Variants in B3GALT1 observed in about 807,000 individuals in gnomAD.
B3GALT1 encodes beta-1,3-galactosyltransferase 1.
B3GALT1 carries 10 observed loss-of-function variants against 23.2 expected under a neutral mutation model. The observed-to-expected ratio is 0.43, with a 90% CI of 0.27 to 0.73. The LOEUF (loss-of-function observed/expected upper bound fraction) is 0.73, where lower values mean the gene tolerates loss of function less well. Among genes scored for constraint, B3GALT1 ranks in the 30% least tolerant of loss-of-function variants. B3GALT1 has a pLI of 0.21. For missense variants in B3GALT1, 299 were observed against 405.4 expected (o/e 0.74, Z 2.25); for synonymous variants, 156 against 141.5 (o/e 1.10, Z -0.73).
At chr2:167,500,635 GA>G (rs11421714) in intron 2 of B3GALT1, among the ~76,000 whole-genome samples, 41 of 149,768 alleles carry the variant, frequency 2.7e-4, no homozygotes, top group Admixed American at 8.7e-4. Flanking sequence ...GACTTATAAG[GA>G]AAAAAAAAAT....
intron 3 of B3GALT1, among the ~76,000 whole-genome samples, chr2:167,696,296 C>CAAAAA (rs35575073): frequency 1.2e-4 from 11 of 91,818 alleles, no homozygotes; most frequent in African/African-American, 2.7e-4. Context: ...TGGTAAGAGG[C>CAAAAA]AAAAAAAAAA....
At chr2:167,772,181 A>C (rs1045224638) in intron 3 of B3GALT1, among the ~76,000 whole-genome samples, 1 of 152,218 alleles carries the variant, frequency 6.6e-6, no homozygotes, top group Admixed American at 6.5e-5. Context: ...CACCAAAATT[A>C]GTTAGCACAG....
chr2:167,616,694 C>CAATA (rs547824482), intron 2 of B3GALT1, among the ~76,000 whole-genome samples: 2,037 of 151,570 alleles, frequency 0.013, 25 homozygotes, highest in East Asian at 0.051. Flanking sequence ...GACCCTGTCT[C>CAATA]AATAAATAAA....
chr2:167,713,972 A>C, intron 3 of B3GALT1: 1 of 1,557,584 alleles, frequency 6.4e-7, no homozygotes, highest in East Asian at 2.2e-5. Context: ...TGGACCACTG[A>C]TTGCAGCAAG....
At chr2:167,501,226 A>G (rs903653089) in intron 2 of B3GALT1, among the ~76,000 whole-genome samples, 7 of 152,078 alleles carry the variant, frequency 4.6e-5, no homozygotes, top group African/African-American at 1.4e-4. Flanking sequence ...TTGAACTCCT[A>G]ATTGATTTTT....
intron 3 of B3GALT1, among the ~76,000 whole-genome samples, chr2:167,684,130 T>C (rs969433722): frequency 6.6e-5 from 10 of 152,210 alleles, no homozygotes; most frequent in Non-Finnish European, 1.5e-5. Flanking sequence ...AACTGGTTAG[T>C]CTCTCCATTT....
intron 3 of B3GALT1, among the ~76,000 whole-genome samples, chr2:167,791,969 T>C (rs1688444017): frequency 6.6e-6 from 1 of 152,138 alleles, no homozygotes; most frequent in Non-Finnish European, 1.5e-5. Flanking sequence ...GATTGAATTA[T>C]TGAACAGTTC....
intron 1 of B3GALT1, among the ~76,000 whole-genome samples, chr2:167,354,347 C>CT (rs373088288): frequency 0.013 from 1,520 of 115,012 alleles, 30 homozygotes; most frequent in African/African-American, 0.039. Flanking sequence ...GGTAAATCTT[C>CT]TTTTTTTTTT....
At chr2:167,348,379 C>A (rs1161507019) in intron 1 of B3GALT1, among the ~76,000 whole-genome samples, 1 of 151,918 alleles carries the variant, frequency 6.6e-6, no homozygotes, top group Non-Finnish European at 1.5e-5. Context: ...TTTTTATATT[C>A]TTTTTGAGCA....
At chr2:167,308,187 G>C (rs1240343108) in intron 1 of B3GALT1, among the ~76,000 whole-genome samples, 1 of 151,934 alleles carries the variant, frequency 6.6e-6, no homozygotes, top group African/African-American at 2.4e-5. Context: ...TTTTATAACT[G>C]TTGGGACTGA....
At chr2:167,603,791 G>A (rs549355326) in intron 2 of B3GALT1, among the ~76,000 whole-genome samples, 9 of 152,184 alleles carry the variant, frequency 5.9e-5, no homozygotes, top group South Asian at 2.1e-4. Context: ...ATTGTGAAAC[G>A]CAAGAGACTG....
intron 3 of B3GALT1, among the ~76,000 whole-genome samples, chr2:167,736,861 G>A (rs1209823750): frequency 1.3e-5 from 2 of 152,142 alleles, no homozygotes; most frequent in African/African-American, 4.8e-5. Context: ...TTGAACCTGG[G>A]AGGCGGAGGT....
intron 3 of B3GALT1, among the ~76,000 whole-genome samples, chr2:167,660,381 A>G (rs1368154522): frequency 1.3e-5 from 2 of 152,060 alleles, no homozygotes; most frequent in Admixed American, 6.6e-5. Flanking sequence ...CCAGTATGTC[A>G]GGGAATAACT....
Position 167,364,056 on chromosome 2 carries a change from C to T in B3GALT1, c.-511+70722C>T, listed in dbSNP as rs147440933. On this transcript the variant is annotated intron_variant, in intron 1 of 4. Transcript: ENST00000392690. Reference sequence around the variant, plus strand: ...GCTGGCACCTATAATCCCAGTTACTCGGGAGGATGAGTCAGGAGAATTGCT... The same window carrying T: ...GCTGGCACCTATAATCCCAGTTACTTGGGAGGATGAGTCAGGAGAATTGCT... Among the ~76,000 whole-genome samples, 585 of 149,970 alleles carry T rather than the reference C, an allele frequency of 3.9e-3. 1 individual carries two copies. The highest frequency in any genetic ancestry group is 0.018 in the East Asian group (87 of 4,966).
intron 1 of B3GALT1, among the ~76,000 whole-genome samples, chr2:167,379,475 C>T (rs1697812929): frequency 6.6e-6 from 1 of 151,918 alleles, no homozygotes; most frequent in African/African-American, 2.4e-5. Context: ...GTAGAGATTG[C>T]TGTGTAGGGT....
intron 3 of B3GALT1, among the ~76,000 whole-genome samples, chr2:167,654,195 G>A (rs549283420): frequency 6.6e-6 from 1 of 152,260 alleles, no homozygotes; most frequent in Non-Finnish European, 1.5e-5. Context: ...TTAATGGATT[G>A]TGTGAAGATT....
chr2:167,357,154 TAAC>T (rs1697429230), intron 1 of B3GALT1, among the ~76,000 whole-genome samples: 1 of 152,042 alleles, frequency 6.6e-6, no homozygotes, highest in Non-Finnish European at 1.5e-5. Context: ...GTATAATACA[TAAC>T]AATATTTATG....
chr2:167,301,717 A>C (rs1559059822), intron 1 of B3GALT1, among the ~76,000 whole-genome samples: 1 of 152,018 alleles, frequency 6.6e-6, no homozygotes, highest in Non-Finnish European at 1.5e-5. Flanking sequence ...CACCTGGCTA[A>C]TTTTTTATTT....
intron 2 of B3GALT1, among the ~76,000 whole-genome samples, chr2:167,544,155 C>G (rs1683584811): frequency 6.6e-6 from 1 of 152,166 alleles, no homozygotes; most frequent in South Asian, 2.1e-4. Flanking sequence ...AGACCTGGGT[C>G]ACATGAAGAC....
Sources: allele counts gnomAD v4.1 joint callset (sites outside exome capture counted in the v4.1 genomes callset), GRCh38; gene constraint gnomAD v4.1.1; transcripts MANE v1.5; gene names NCBI Gene and HGNC (gene_info 2026-07-23, HGNC 2026-07-21).